Variants in EEA1 observed in about 807,000 individuals in gnomAD.
EEA1 encodes early endosome antigen 1.
A neutral mutation model predicts 209.2 loss-of-function variants in EEA1; 111 were observed. The observed-to-expected ratio is 0.53, with a 90% CI of 0.45 to 0.62. EEA1 has a LOEUF of 0.62. EEA1 is among the 20% of genes least tolerant of loss of function. EEA1 has a pLI of 0.00. For synonymous variants in EEA1, 536 were observed against 540.6 expected (o/e 0.99, Z 0.12); for missense variants, 1,343 against 1,530.8 (o/e 0.88, Z 2.05).
At chr12:92,849,967 A>G (rs1225781216) in intron 9 of EEA1, among the ~76,000 whole-genome samples, 1 of 152,224 alleles carries the variant, frequency 6.6e-6, no homozygotes, top group African/African-American at 2.4e-5. Flanking sequence ...AGTAAAAAGG[A>G]CAAAGGCTAG....
intron 2 of EEA1, among the ~76,000 whole-genome samples, chr12:92,868,952 C>T (rs1206907288): frequency 6.6e-6 from 1 of 151,908 alleles, no homozygotes. Flanking sequence ...ACTAAAAATT[C>T]TTAGCATACT....
At chr12:92,857,249 T>C (rs763074095) in intron 5 of EEA1, 26 bp downstream of exon 5, 2 of 1,531,568 alleles carry the variant, frequency 1.3e-6, no homozygotes, top group South Asian at 2.5e-5. Context: ...CTAATAAACA[T>C]GCTTTAAGTA....
rs561174479 is a variant in EEA1 at position 92,862,978 on chromosome 12, G to T, written c.245+1882C>A. Among the ~76,000 whole-genome samples, 4 of 152,340 alleles carry T rather than the reference G, an allele frequency of 2.6e-5. No individual in the cohort carries two copies. The South Asian group carries it at 8.3e-4, about 32-fold the overall frequency. On this transcript the variant is annotated intron_variant, in intron 3 of 28. Transcript: ENST00000322349. ...TGAGGTGCCTCCAGAACATCTGAGG[G>T]AAGATACCTAATAGGCAAGTTGGGA...
At chr12:92,839,390 GCA>G (rs1251588663) in intron 10 of EEA1, among the ~76,000 whole-genome samples, 3 of 152,142 alleles carry the variant, frequency 2.0e-5, no homozygotes, top group Non-Finnish European at 2.9e-5. Flanking sequence ...TCAAATTTGA[GCA>G]CAGTATCAAA....
At chr12:92,904,900 A>G (rs1271998656) in intron 1 of EEA1, among the ~76,000 whole-genome samples, 1 of 152,238 alleles carries the variant, frequency 6.6e-6, no homozygotes, top group Non-Finnish European at 1.5e-5. Flanking sequence ...TAAAGTTTTT[A>G]CAGAGGTTCC....
At chr12:92,868,615 A>T (rs929128026) in intron 2 of EEA1, among the ~76,000 whole-genome samples, 5 of 152,242 alleles carry the variant, frequency 3.3e-5, no homozygotes, top group Admixed American at 1.3e-4. Flanking sequence ...GAAATAAATG[A>T]TTCATTCCTA....
At chr12:92,858,062 C>G in intron 3 of EEA1, 1 of 423,542 alleles carries the variant, frequency 2.4e-6, no homozygotes, top group South Asian at 2.6e-5. Flanking sequence ...CACTTCCACT[C>G]ACTGCCACCA....
Position 92,801,629 on chromosome 12 carries a change from G to A in EEA1, c.2743C>T (p.Leu915=). 6.3e-7 allele frequency: 1 copy of A among 1,591,190 alleles called. No individual in the cohort carries two copies. Among genetic ancestry groups the A allele is most frequent in the South Asian group, 1.2e-5 (1 of 85,234 alleles). ...TTCTCTTTTTCAAGTGACTTTTTCA[G>A]TTCCTTCTGTTCCTTAAGTGTGTTT... The part of the protein sequence containing the change: ...MENTLKEQKE[L]KKSLEKEKEA... Residue 915 remains leucine, a synonymous_variant, in exon 20 of 29, where the codon CTG becomes TTG. Coordinates refer to ENST00000322349, the MANE Select transcript of EEA1 (RefSeq NM_003566.4).
chr12:92,876,891 A>C (rs1878916375), intron 2 of EEA1, among the ~76,000 whole-genome samples: 1 of 150,566 alleles, frequency 6.6e-6, no homozygotes. Context: ...AAGCTAAAGA[A>C]TTTAGACTTT....
chr12:92,872,562 A>G (rs759348882), intron 2 of EEA1, among the ~76,000 whole-genome samples: 3 of 152,226 alleles, frequency 2.0e-5, no homozygotes, highest in Non-Finnish European at 4.4e-5. Context: ...ATCTTCAAAC[A>G]GTATTTTAAA....
chr12:92,857,368 A>G, intron 4 of EEA1, 28 bp from the exon 5 acceptor site: 5 of 1,564,650 alleles, frequency 3.2e-6, no homozygotes, highest in Non-Finnish European at 4.3e-6. Flanking sequence ...TAATTAGTAA[A>G]TTTAAAAAGA....
intron 2 of EEA1, among the ~76,000 whole-genome samples, chr12:92,875,302 G>A: frequency 6.6e-6 from 1 of 152,134 alleles, no homozygotes; most frequent in South Asian, 2.1e-4. Context: ...TGGGCATGGT[G>A]GCACGCGCCT....
Position 92,852,949 on chromosome 12 carries a change from A to T in EEA1, c.483T>A (p.Phe161Leu). ...TAGCAAGTTGGGCTGCTTTCTGTTC[A>T]AATAAGTCTTTCATTTGCTTAATAT... ...NFNIKQMKDL[F>L]EQKAAQLATE... The change falls in exon 7 of 29, where the codon TTT (phenylalanine) becomes TTA (leucine). Residue 161 changes from phenylalanine to leucine, a missense_variant. Physicochemically the swap from Phe to Leu is conservative, Grantham distance 22. Coordinates refer to ENST00000322349, the MANE Select transcript of EEA1 (RefSeq NM_003566.4). 1 of 1,612,400 alleles carries T rather than the reference A, an allele frequency of 6.2e-7. No individual in the cohort carries two copies. Among genetic ancestry groups the T allele is most frequent in the Non-Finnish European group, 8.5e-7 (1 of 1,179,310 alleles).
At chr12:92,898,653 G>A (rs1313869451) in intron 1 of EEA1, among the ~76,000 whole-genome samples, 23 of 134,780 alleles carry the variant, frequency 1.7e-4, no homozygotes, top group African/African-American at 4.9e-4. Context: ...GACAGAGCGA[G>A]ACTCCATCTC....
rs377477012 is a variant in EEA1 at position 92,816,393 on chromosome 12, T to C, written c.1736A>G (p.Gln579Arg). Reference protein sequence around the residue: ...KNHTLQEQVTQLTEKLKNQSE... With the variant: ...KNHTLQEQVTRLTEKLKNQSE... Reference sequence around the variant, plus strand: ...CTGATTCTTCAGCTTCTCTGTTAGTTGAGTTACCTGTTATACAAGTAAGAC... The same window carrying C: ...CTGATTCTTCAGCTTCTCTGTTAGTCGAGTTACCTGTTATACAAGTAAGAC... The change falls in exon 15 of 29, where the codon CAA becomes CGA. Residue 579 changes from glutamine (Q) to arginine (R), a missense_variant. Physicochemically the swap from Gln to Arg is conservative, Grantham distance 43. Transcript: ENST00000322349. The C allele has an allele frequency of 6.2e-7, 1 of 1,613,576 alleles. No individual in the cohort carries two copies. Among genetic ancestry groups the C allele is most frequent in the Non-Finnish European group, 8.5e-7 (1 of 1,179,694 alleles).
At chr12:92,842,644 GA>G (rs1285703602) in intron 9 of EEA1, 63 bp from the exon 10 acceptor site, 5 of 1,002,376 alleles carry the variant, frequency 5.0e-6, no homozygotes, top group Non-Finnish European at 7.4e-6. Context: ...TAAAAAAAAT[GA>G]AAGTATATAA....
intron 21 of EEA1, among the ~76,000 whole-genome samples, chr12:92,796,046 G>T (rs1874640476): frequency 6.6e-6 from 1 of 150,544 alleles, no homozygotes; most frequent in African/African-American, 2.4e-5. Context: ...AAAATTCTCT[G>T]TCTTTGAGGA....
intron 1 of EEA1, among the ~76,000 whole-genome samples, chr12:92,893,463 A>G (rs1879743801): frequency 6.6e-6 from 1 of 152,176 alleles, no homozygotes; most frequent in Non-Finnish European, 1.5e-5. Context: ...ATCACCCAAG[A>G]TTCAAAACAC....
At chr12:92,813,328 A>G (rs1378270888) in intron 15 of EEA1, among the ~76,000 whole-genome samples, 1 of 152,224 alleles carries the variant, frequency 6.6e-6, no homozygotes, top group African/African-American at 2.4e-5. Flanking sequence ...ATGTGATTCC[A>G]AAACACTTTA....
Sources: allele counts gnomAD v4.1 joint callset (sites outside exome capture counted in the v4.1 genomes callset), GRCh38; gene constraint gnomAD v4.1.1; transcripts MANE v1.5; gene names NCBI Gene and HGNC (gene_info 2026-07-23, HGNC 2026-07-21).